CNOT10: variants seen among roughly 807,000 people sequenced by gnomAD.
CNOT10 encodes CCR4-NOT transcription complex, subunit 10.
CNOT10 carries 30 observed loss-of-function variants against 94.6 expected under a neutral mutation model. The ratio of observed to expected loss-of-function variants is 0.32; its 90% CI spans 0.24 to 0.43. The LOEUF is 0.43. Ranked by LOEUF, CNOT10 falls within the 20% of genes least tolerant of loss-of-function variation. CNOT10 has a pLI of 1.00. For missense variants in CNOT10, 759 were observed against 877.2 expected (o/e 0.87, Z 1.70); for synonymous variants, 289 against 301.6 (o/e 0.96, Z 0.43).
chr3:32,746,575 G>A (rs926767492), intron 13 of CNOT10, among the ~76,000 whole-genome samples: 2 of 152,048 alleles, frequency 1.3e-5, no homozygotes, highest in African/African-American at 4.8e-5. Context: ...AGTGGCTCTC[G>A]CCTGTAATCC....
chr3:32,730,361 A>T (rs1698887278), intron 10 of CNOT10, among the ~76,000 whole-genome samples: 3 of 152,028 alleles, frequency 2.0e-5, no homozygotes, highest in Admixed American at 2.0e-4. Context: ...TATTTTCCAT[A>T]TTAATATGCT....
intron 18 of CNOT10, among the ~76,000 whole-genome samples, chr3:32,771,018 A>G (rs1191185653): frequency 1.3e-5 from 2 of 152,040 alleles, no homozygotes; most frequent in Admixed American, 6.6e-5. Context: ...GACCCATCAA[A>G]TTCTTCTACA....
intron 13 of CNOT10, among the ~76,000 whole-genome samples, chr3:32,757,851 A>C (rs1296859351): frequency 1.3e-5 from 2 of 152,206 alleles, no homozygotes; most frequent in Admixed American, 1.3e-4. Flanking sequence ...TTCCTTTGAA[A>C]GTGGCACTAC....
At chr3:32,703,992 AG>A in intron 2 of CNOT10, 30 bp downstream of exon 2, 1 of 1,374,524 alleles carries the variant, frequency 7.3e-7, no homozygotes, top group Non-Finnish European at 1.0e-6. Flanking sequence ...AGTCTGCTCA[AG>A]TTGTAGGGTT....
intron 1 of CNOT10, among the ~76,000 whole-genome samples, chr3:32,701,413 AAT>A (rs1306305519): frequency 1.3e-5 from 2 of 152,176 alleles, no homozygotes; most frequent in East Asian, 3.8e-4. Context: ...CTTTTGAAAA[AAT>A]AAAAAACCAA....
At chr3:32,696,147 C>A (rs547827791) in intron 1 of CNOT10, among the ~76,000 whole-genome samples, 1 of 151,992 alleles carries the variant, frequency 6.6e-6, no homozygotes, top group South Asian at 2.1e-4. Flanking sequence ...AAAACCCTGC[C>A]TCTACTAAAA....
intron 13 of CNOT10, among the ~76,000 whole-genome samples, chr3:32,750,489 C>T (rs1699916996): frequency 6.6e-6 from 1 of 151,574 alleles, no homozygotes; most frequent in African/African-American, 2.4e-5. Context: ...AAGACTCCAT[C>T]TCAAAAACAA....
intron 1 of CNOT10, among the ~76,000 whole-genome samples, chr3:32,694,822 C>T (rs949025814): frequency 5.3e-5 from 8 of 152,148 alleles, no homozygotes; most frequent in Non-Finnish European, 1.0e-4. Flanking sequence ...AACTCCCCAC[C>T]TCGTGATCTG....
In CNOT10 at chr3:32,762,849, A is replaced by G; in HGVS notation, c.1826A>G (p.Asn609Ser). Reference sequence around the variant, plus strand: ...GATGTCTCCTTAGGGATCTCTTCAAATGAGCAGGACCAAGGTTAATGAGGA... The same window carrying G: ...GATGTCTCCTTAGGGATCTCTTCAAGTGAGCAGGACCAAGGTTAATGAGGA... ...VTDVSLGISS[N>S]EQDQGSDKGE... The change falls in exon 15 of 19, where the codon AAT becomes AGT. Residue 609 changes from asparagine (N) to serine (S), a missense_variant. Coordinates refer to ENST00000328834, the MANE Select transcript of CNOT10 (RefSeq NM_015442.3). 1 of 1,556,520 alleles carries G rather than the reference A, an allele frequency of 6.4e-7. No homozygotes were observed.
chr3:32,732,874 A>C (rs1379965247), intron 10 of CNOT10, among the ~76,000 whole-genome samples: 1 of 152,154 alleles, frequency 6.6e-6, no homozygotes, highest in Non-Finnish European at 1.5e-5. Context: ...TTTCAGTTTA[A>C]TGTTTATTCA....
intron 13 of CNOT10, among the ~76,000 whole-genome samples, chr3:32,737,805 CA>C (rs34248172): frequency 4.2e-4 from 60 of 142,180 alleles, no homozygotes; most frequent in Admixed American, 5.6e-4. Context: ...AACTCTGTCT[CA>C]AAAAAAAAAA....
intron 18 of CNOT10, among the ~76,000 whole-genome samples, chr3:32,771,371 C>G (rs1259638068): frequency 6.6e-6 from 1 of 152,038 alleles, no homozygotes; most frequent in East Asian, 1.9e-4. Flanking sequence ...GAGGCCGACA[C>G]GGGTGGATCA....
chr3:32,685,516 G>A, intron 1 of CNOT10, 34 bp downstream of exon 1: 1 of 1,549,120 alleles, frequency 6.5e-7, no homozygotes, highest in South Asian at 1.2e-5. Context: ...ACGAGACGGC[G>A]GGACGTGCGG....
Position 32,767,317 on chromosome 3 carries a change from G to A in CNOT10, c.2004+2508G>A, listed in dbSNP as rs370329095. 1.4e-4 allele frequency among the ~76,000 whole-genome samples: 21 copies of A among 152,158 alleles called. No individual in the cohort carries two copies. In the East Asian group the frequency reaches 1.9e-3, roughly 14 times the overall value. ...GCAGATCACCTGAGGTCAGGAGTTCGAGACCAGCCTTACCAACATGGAGAA... is the reference window on the plus strand; with the variant it reads ...GCAGATCACCTGAGGTCAGGAGTTCAAGACCAGCCTTACCAACATGGAGAA... On this transcript the variant is annotated intron_variant, in intron 17 of 18. Transcript: ENST00000328834.
intron 10 of CNOT10, 129 bp downstream of exon 10, chr3:32,727,999 A>T (rs376345639): frequency 8.9e-5 from 22 of 247,612 alleles, no homozygotes; most frequent in South Asian, 1.7e-4. Context: ...TTATTTATTT[A>T]TTTATTTATT....
In CNOT10 at chr3:32,773,723, C is replaced by G. The variant is rs1356787591; in HGVS notation, c.*112C>G. On this transcript the variant is annotated 3_prime_UTR_variant, in exon 19 of 19. Transcript: ENST00000328834. ...ATGGTGAAGGCTGTTAATTTTGAGT[C>G]AATTCTACCCCTGACATTTGGCCAA... 8.8e-6 allele frequency: 10 copies of G among 1,141,956 alleles called. No individual in the cohort carries two copies. Among genetic ancestry groups the G allele is most frequent in the Admixed American group, 3.1e-5 (1 of 31,940 alleles). 70.7% of individuals were successfully genotyped at this position (1,141,956 alleles called of 1,614,324 possible).
chr3:32,768,602 A>G lies in CNOT10; in HGVS notation c.2005-1285A>G, dbSNP rs61321549. 3.8e-3 allele frequency among the ~76,000 whole-genome samples: 581 copies of G among 152,238 alleles called. 5 individuals are homozygous for G. Among genetic ancestry groups the G allele is most frequent in the African/African-American group, 0.013 (554 of 41,550 alleles). On this transcript the variant is annotated intron_variant, in intron 17 of 18. Coordinates refer to ENST00000328834, the MANE Select transcript of CNOT10 (RefSeq NM_015442.3). Reference sequence around the variant, plus strand: ...CCGTCTCAAAAAAAAAAAATCCACAAAATGGTATAAAGACGATCTTGCCTA... The same window carrying G: ...CCGTCTCAAAAAAAAAAAATCCACAGAATGGTATAAAGACGATCTTGCCTA...
In CNOT10 at chr3:32,768,654, A is replaced by C. The variant is rs112676945; in HGVS notation, c.2005-1233A>C. Reference sequence around the variant, plus strand: ...ACAGCTTGCCTAGAAAGCTAGGCTTAGATATATAAAATCTCATTTTCTGAA... The same window carrying C: ...ACAGCTTGCCTAGAAAGCTAGGCTTCGATATATAAAATCTCATTTTCTGAA... On this transcript the variant is annotated intron_variant, in intron 17 of 18. Transcript: ENST00000328834. Among the ~76,000 whole-genome samples, 1,214 of 152,290 alleles carry C rather than the reference A, an allele frequency of 8.0e-3. 16 individuals carry two copies. Among genetic ancestry groups the C allele is most frequent in the African/African-American group, 0.027 (1,127 of 41,562 alleles).
chr3:32,706,453 A>C (rs1273848380), intron 3 of CNOT10, among the ~76,000 whole-genome samples: 1 of 152,194 alleles, frequency 6.6e-6, no homozygotes, highest in Non-Finnish European at 1.5e-5. Context: ...AGTTTCCTAG[A>C]AGTGTTTGTA....
Sources: allele counts gnomAD v4.1 joint callset (sites outside exome capture counted in the v4.1 genomes callset), GRCh38; gene constraint gnomAD v4.1.1; transcripts MANE v1.5; gene names NCBI Gene and HGNC (gene_info 2026-07-23, HGNC 2026-07-21).